The following PTPRT variants were observed in gnomAD, a reference collection of about 807,000 sequenced individuals.
PTPRT encodes receptor-type tyrosine-protein phosphatase T.
A neutral mutation model predicts 176.8 loss-of-function variants in PTPRT; 56 were observed. The ratio of observed to expected loss-of-function variants is 0.32; its 90% CI spans 0.26 to 0.40. The LOEUF is 0.40. PTPRT is among the 10% of genes least tolerant of loss of function. The pLI is 1.00. For missense variants in PTPRT, 1,540 were observed against 1,908.2 expected (o/e 0.81, Z 3.60); for synonymous variants, 783 against 739.0 (o/e 1.06, Z -0.96).
At chr20:42,230,136 T>C (rs2056104206) in intron 15 of PTPRT, among the ~76,000 whole-genome samples, 1 of 152,144 alleles carries the variant, frequency 6.6e-6, no homozygotes, top group Non-Finnish European at 1.5e-5. Context: ...CAGTGTTTGA[T>C]CTGGACTTTG....
rs565903326 is a variant in PTPRT, at chr20:43,081,201, T to C, written c.88+108445A>G. On this transcript the variant is annotated intron_variant, in intron 1 of 30. Coordinates refer to ENST00000373187, the MANE Select transcript of PTPRT (RefSeq NM_007050.6). ...CTTTTTATAAATCTCTGGAGCAACT[T>C]GAACCAGGCAGGGATTATCTACTTA... is the stretch of plus-strand genomic sequence containing the variant. Among the ~76,000 whole-genome samples the C allele has an allele frequency of 7.9e-4, 120 of 152,342 alleles. 1 individual carries two copies. The highest frequency in any genetic ancestry group is 1.2e-3 in the Non-Finnish European group (79 of 68,034).
intron 7 of PTPRT, among the ~76,000 whole-genome samples, chr20:42,557,103 G>A (rs1389415088): frequency 6.6e-6 from 1 of 152,146 alleles, no homozygotes; most frequent in Non-Finnish European, 1.5e-5. Flanking sequence ...TGGAAGTTCA[G>A]CTCTTCCATG....
chr20:42,068,339 G>T (rs1394436195), downstream of PTPRT, among the ~76,000 whole-genome samples: 1 of 152,164 alleles, frequency 6.6e-6, no homozygotes, highest in East Asian at 1.9e-4. Flanking sequence ...TAAGCGGTTA[G>T]GCTGAGAATA....
intron 6 of PTPRT, among the ~76,000 whole-genome samples, chr20:42,740,522 C>G (rs191425703): frequency 6.6e-5 from 10 of 152,306 alleles, no homozygotes; most frequent in Admixed American, 5.9e-4. Context: ...AGGACAAGAG[C>G]AGGACTATAC....
chr20:42,278,990 C>T (rs1423747787), intron 13 of PTPRT, among the ~76,000 whole-genome samples: 1 of 152,142 alleles, frequency 6.6e-6, no homozygotes, highest in Admixed American at 6.5e-5. Flanking sequence ...CTTGCCCTTT[C>T]TAACATTTCC....
At chr20:42,220,889 A>T (rs2055870665) in intron 15 of PTPRT, among the ~76,000 whole-genome samples, 1 of 152,218 alleles carries the variant, frequency 6.6e-6, no homozygotes, top group African/African-American at 2.4e-5. Context: ...TATTTCTCCA[A>T]TGTAGATGAT....
intron 7 of PTPRT, among the ~76,000 whole-genome samples, chr20:42,554,865 G>A (rs1327153162): frequency 1.3e-5 from 2 of 152,124 alleles, no homozygotes; most frequent in Non-Finnish European, 2.9e-5. Context: ...GCAAGTTGGG[G>A]AGTTATTATT....
chr20:42,146,653 C>T (rs1988881911), intron 17 of PTPRT, among the ~76,000 whole-genome samples: 1 of 152,210 alleles, frequency 6.6e-6, no homozygotes, highest in Admixed American at 6.5e-5. Flanking sequence ...TGAGTCTCCT[C>T]ATTGGTTCCT....
At chr20:43,099,989 A>C (rs8115064) in intron 1 of PTPRT, among the ~76,000 whole-genome samples, 15,412 of 152,244 alleles carry the variant, frequency 0.1, 983 homozygotes, top group South Asian at 0.16. Context: ...ATATCCATGC[A>C]TTCATTGTAT....
At chr20:42,044,270 C>T in the PTPRT span, among the ~76,000 whole-genome samples, 1 of 152,230 alleles carries the variant, frequency 6.6e-6, no homozygotes, top group Non-Finnish European at 1.5e-5. Context: ...CCACGCAGTG[C>T]CTTGTGCTGG....
At chr20:42,274,988 A>G (rs1286379614) in intron 13 of PTPRT, among the ~76,000 whole-genome samples, 2 of 152,170 alleles carry the variant, frequency 1.3e-5, no homozygotes, top group Non-Finnish European at 2.9e-5. Flanking sequence ...TATTAACACA[A>G]TGGAATCAGA....
intron 26 of PTPRT, among the ~76,000 whole-genome samples, chr20:42,101,443 C>T (rs952885348): frequency 1.1e-4 from 16 of 152,198 alleles, no homozygotes; most frequent in Non-Finnish European, 1.8e-4. Context: ...CAGAAGTATC[C>T]GAAAAACGCA....
intron 16 of PTPRT, among the ~76,000 whole-genome samples, chr20:42,193,043 C>T (rs771830088): frequency 7.9e-5 from 12 of 152,294 alleles, no homozygotes; most frequent in South Asian, 6.2e-4. Flanking sequence ...GTAGAGAGAC[C>T]GCTAAAGGTC....
chr20:43,070,411 CTG>C lies in PTPRT; in HGVS notation c.88+119233_88+119234del, dbSNP rs377645812. Among the ~76,000 whole-genome samples, 300 of 152,296 alleles carry C rather than the reference CTG, an allele frequency of 2.0e-3. 3 individuals are homozygous for C. Among genetic ancestry groups the C allele is most frequent in the African/African-American group, 6.9e-3 (288 of 41,560 alleles). On this transcript the variant is annotated intron_variant, in intron 1 of 30. Coordinates refer to ENST00000373187, the MANE Select transcript of PTPRT (RefSeq NM_007050.6). ...ACTAGTTCAACCATTGTGGAAGACA[CTG>C]TGGTGATTCCTCAGGGATCTAGAAC...
intron 5 of PTPRT, among the ~76,000 whole-genome samples, chr20:42,758,874 G>A (rs1264230176): frequency 1.3e-5 from 2 of 152,220 alleles, no homozygotes; most frequent in African/African-American, 4.8e-5. Flanking sequence ...GTAATGGAAG[G>A]GGAGAAAGGT....
At chr20:42,985,089 C>T (rs1236891821) in intron 1 of PTPRT, among the ~76,000 whole-genome samples, 6 of 152,084 alleles carry the variant, frequency 3.9e-5, no homozygotes, top group Admixed American at 2.0e-4. Flanking sequence ...CTTGAAAGAA[C>T]GGAATGGAAG....
chr20:43,071,668 C>T (rs1315713040), intron 1 of PTPRT, among the ~76,000 whole-genome samples: 3 of 144,370 alleles, frequency 2.1e-5, no homozygotes, highest in African/African-American at 8.8e-5. Context: ...GCCTGTAATC[C>T]CAGCTACTCG....
rs577356999 is a variant in PTPRT at position 42,087,483 on chromosome 20, G to A, written c.3847-1630C>T. On this transcript the variant is annotated intron_variant, in intron 27 of 30. Transcript: ENST00000373187. Reference sequence around the variant, plus strand: ...AGGATGGTCTTGATCTCCTGACCTCGTGATCCACCCACCTTGGCCTCCCAA... The same window carrying A: ...AGGATGGTCTTGATCTCCTGACCTCATGATCCACCCACCTTGGCCTCCCAA... Among the ~76,000 whole-genome samples, 148 of 151,632 alleles carry A rather than the reference G, an allele frequency of 9.8e-4. 1 individual carries two copies. The Middle Eastern group carries it at 0.02, about 21-fold the overall frequency.
chr20:43,006,342 T>G (rs551831758), intron 1 of PTPRT, among the ~76,000 whole-genome samples: 1 of 152,314 alleles, frequency 6.6e-6, no homozygotes, highest in Non-Finnish European at 1.5e-5. Context: ...TTGTGTGAGA[T>G]TCTATCAACA....
Sources: gnomAD v4.1 joint callset for allele counts (sites outside exome capture counted in the v4.1 genomes callset) on GRCh38, gnomAD v4.1.1 for gene constraint, MANE v1.5 for transcripts, NCBI Gene and HGNC (gene_info 2026-07-23, HGNC 2026-07-21) for gene names.